ATP7A: variants seen among roughly 807,000 people sequenced by gnomAD.
The protein encoded by ATP7A is copper-transporting ATPase 1.
ATP7A carries 7 observed loss-of-function variants against 83.5 expected under a neutral mutation model. The ratio of observed to expected loss-of-function variants is 0.08; its 90% CI spans 0.05 to 0.16. The LOEUF (loss-of-function observed/expected upper bound fraction) is 0.16. ATP7A is among the 10% of genes least tolerant of loss of function. The pLI, the probability that ATP7A is intolerant of heterozygous loss-of-function variation, is 1.00. For missense variants in ATP7A, 940 were observed against 1,120.8 expected, an observed-to-expected ratio of 0.84 and a Z score of 2.30; for synonymous variants, 354 against 395.2, an observed-to-expected ratio of 0.90 and a Z score of 1.24.
chrX:77,919,153 T>C (rs1443374581), intron 1 of ATP7A, among the ~76,000 whole-genome samples: 1 of 112,262 alleles, frequency 8.9e-6, no homozygotes, highest in Admixed American at 9.5e-5. Context: ...AGATATATTA[T>C]GTTGTGGAAA....
In ATP7A at chrX:78,045,470, G is replaced by C; in HGVS notation, c.4124G>C (p.Gly1375Ala). 1 of 1,202,601 alleles carries C rather than the reference G, an allele frequency of 8.3e-7. No homozygotes were observed. ...TAACTAATCCATACTTGTTTCTTAG[G>C]AGTTTTTATGCCCATTGGTTTGGTT... ...YNLVGIPIAA[G>A]VFMPIGLVLQ... Residue 1375 changes from glycine (G) to alanine (A), a missense_variant and splice_region_variant, in exon 22 of 23, where the codon GGA becomes GCA. By Grantham distance (60) the Gly-to-Ala change is moderately conservative (BLOSUM62 0). Coordinates refer to ENST00000341514, the MANE Select transcript of ATP7A (RefSeq NM_000052.7).
intron 1 of ATP7A, among the ~76,000 whole-genome samples, chrX:77,929,626 T>A (rs1186800172): frequency 9.3e-6 from 1 of 107,590 alleles, no homozygotes; most frequent in Non-Finnish European, 1.9e-5. Flanking sequence ...AATTTGTTTC[T>A]TTTCTTTTTC....
chrX:77,942,973 A>G (rs782292607), intron 1 of ATP7A, among the ~76,000 whole-genome samples: 15 of 108,390 alleles, frequency 1.4e-4, no homozygotes, highest in Non-Finnish European at 2.7e-4. Context: ...GCACCACCAC[A>G]CCTGGCAACT....
chrX:77,932,324 G>A (rs1288420573), intron 1 of ATP7A, among the ~76,000 whole-genome samples: 2 of 107,342 alleles, frequency 1.9e-5, no homozygotes, highest in Admixed American at 1.9e-4. Context: ...GGGCAGAGAC[G>A]CTCCTCACTT....
intron 14 of ATP7A, among the ~76,000 whole-genome samples, 154 bp from the exon 15 acceptor site, chrX:78,029,096 G>A (rs184741183): frequency 1.8e-5 from 2 of 112,102 alleles, no homozygotes; most frequent in Non-Finnish European, 3.8e-5. Context: ...GAAAGAAAGT[G>A]TTTTCTTACC....
chrX:77,969,298 A>T lies in ATP7A; in HGVS notation c.-21-2323A>T, dbSNP rs782349618. ...TGGGACATCATAGGAGCGCCTCCAG[A>T]TCTTCACCTGGGCCTCACCATGCTT... On this transcript the variant is annotated intron_variant, in intron 1 of 22. Transcript: ENST00000341514. The T allele has an allele frequency of 3.4e-5, 41 of 1,209,868 alleles. No homozygotes were observed. In the East Asian group the frequency reaches 1.2e-3, roughly 36 times the overall value.
chrX:78,045,383 C>A, intron 21 of ATP7A, 87 bp from the exon 22 acceptor site: 1 of 853,922 alleles, frequency 1.2e-6, no homozygotes, highest in Non-Finnish European at 1.7e-6. Flanking sequence ...AAGTATCAAA[C>A]AAAGAAATGA....
chrX:78,045,333 A>G lies in ATP7A; in HGVS notation c.4124-137A>G, dbSNP rs1282689714. ...CACTCTGTTAGTGAAAAAAATGGCA[A>G]CAACAAAAATCTCTACCACCAAGAG... On this transcript the variant is annotated intron_variant, in intron 21 of 22. Transcript: ENST00000341514. 6.8e-6 allele frequency: 4 copies of G among 584,297 alleles called. No individual in the cohort carries two copies. In the East Asian group the frequency reaches 1.3e-4, roughly 19 times the overall value. The allele number at this position is 584,297 out of a possible 1,213,427, so 48.2% of individuals were successfully genotyped here. A position where few individuals can be genotyped will look rare whatever the true frequency, so the allele number is the denominator to read the frequency against.
chrX:77,964,546 C>A (rs1557228449), intron 1 of ATP7A: 1 of 110,549 alleles, frequency 9.0e-6, no homozygotes, highest in African/African-American at 3.3e-5. Context: ...TTAGGTATTT[C>A]TCCTAATGTT....
chrX:78,033,814 G>A lies in ATP7A; in HGVS notation c.3504G>A (p.Gln1168=), dbSNP rs1366401876. 8.3e-7 allele frequency: 1 copy of A among 1,205,165 alleles called. No homozygotes were observed. Among genetic ancestry groups the A allele is most frequent in the Non-Finnish European group, 1.1e-6 (1 of 891,570 alleles). The change falls in exon 17 of 23, where the codon CAG becomes CAA. Residue 1168 remains glutamine (Q), a synonymous_variant. Coordinates refer to ENST00000341514, the MANE Select transcript of ATP7A (RefSeq NM_000052.7). ...CGTCTTCCATGATTATTGATGCCCA[G>A]ATCTCAAGTAAGCTAATTTTCTTTG... ...STSSSMIIDA[Q]ISNALNAQQY... is the part of the protein sequence containing the mutation.
intron 1 of ATP7A, among the ~76,000 whole-genome samples, chrX:77,930,996 TTTTTTTTTTTACCTTTTTTTTTA>T (rs2077269399): frequency 4.6e-5 from 2 of 43,535 alleles, no homozygotes; most frequent in African/African-American, 1.7e-4. Flanking sequence ...TTTTTTTTTT[TTTTTTTTTTTACCTTTTTTTTTA>T]TTTTTTATTT....
intron 1 of ATP7A, among the ~76,000 whole-genome samples, chrX:77,961,248 G>C (rs782371202): frequency 6.3e-5 from 7 of 111,734 alleles, no homozygotes; most frequent in Non-Finnish European, 1.1e-4. Context: ...TTACTTCCTG[G>C]GTGAATTATC....
chrX:78,024,252 T>C (rs892156389), intron 14 of ATP7A, among the ~76,000 whole-genome samples: 8 of 112,430 alleles, frequency 7.1e-5, no homozygotes, highest in Admixed American at 4.7e-4. Context: ...TTATTCTTTT[T>C]GCTTAGGATT....
chrX:78,009,270 G>T lies in ATP7A; in HGVS notation c.1869+7G>T, dbSNP rs2149093596. On this transcript the variant is annotated splice_region_variant and intron_variant, in intron 7 of 22. Transcript: ENST00000341514. ...TATTATCCATACAATTGAAGTAAGT[G>T]CCAAGAATTTATGTTTCTGTGTTCT... 1 of 1,203,664 alleles carries T rather than the reference G, an allele frequency of 8.3e-7. No individual in the cohort carries two copies. Among genetic ancestry groups the T allele is most frequent in the East Asian group, 3.0e-5 (1 of 33,777 alleles).
intron 21 of ATP7A, among the ~76,000 whole-genome samples, chrX:78,044,255 C>CAAAAA (rs782578875): frequency 1.6e-5 from 1 of 61,758 alleles, no homozygotes; most frequent in African/African-American, 6.8e-5. Context: ...ACTCCGTCTC[C>CAAAAA]AAAAAAAAAA....
rs782066060 is a variant in ATP7A, at chrX:78,033,614, A to T, written c.3304A>T (p.Thr1102Ser). 9.1e-6 allele frequency: 11 copies of T among 1,209,865 alleles called. No individual in the cohort carries two copies. The Admixed American group carries it at 2.4e-4, about 26-fold the overall frequency. ...TGTTTCTGTTTGTTAGGAGCTGGAC[A>T]CTGAAACCTTGGGTACCTGCATAGA... Reference protein sequence around the residue: ...ITKYCKQELDTETLGTCIDFQ... With the variant: ...ITKYCKQELDSETLGTCIDFQ... The change falls in exon 17 of 23, where the codon ACT becomes TCT. Residue 1102 changes from threonine (T) to serine (S), a missense_variant. Coordinates refer to ENST00000341514, the MANE Select transcript of ATP7A (RefSeq NM_000052.7).
chrX:77,993,207 TGTG>T (rs782506478), intron 4 of ATP7A, among the ~76,000 whole-genome samples: 9 of 112,278 alleles, frequency 8.0e-5, no homozygotes, highest in African/African-American at 9.7e-5. Context: ...CATGTTCAAA[TGTG>T]GTATCTGTCA....
chrX:78,030,816 C>G (rs782140547), intron 15 of ATP7A, among the ~76,000 whole-genome samples: 40 of 107,298 alleles, frequency 3.7e-4, no homozygotes, highest in Non-Finnish European at 3.3e-4. Flanking sequence ...CTCAGCCTCC[C>G]GAGTAGCTGG....
At chrX:78,014,590 G>T (rs923328602) in intron 10 of ATP7A, 72 bp from the exon 11 acceptor site, 1 of 779,792 alleles carries the variant, frequency 1.3e-6, no homozygotes, top group East Asian at 3.2e-5. Flanking sequence ...GCTAAAGATT[G>T]TATTTTTATT....
Sources: gnomAD v4.1 joint callset for allele counts (sites outside exome capture counted in the v4.1 genomes callset) on GRCh38, gnomAD v4.1.1 for gene constraint, MANE v1.5 for transcripts, NCBI Gene and HGNC (gene_info 2026-07-23, HGNC 2026-07-21) for gene names.